Variants in CNTNAP2 observed in about 807,000 individuals in gnomAD.
CNTNAP2 encodes the protein contactin associated protein 2.
Under a neutral mutation model 155.2 loss-of-function variants are expected in CNTNAP2, and 98 were observed. That is an observed-to-expected ratio of 0.63 (90% CI 0.54 to 0.75). The LOEUF (loss-of-function observed/expected upper bound fraction) is 0.75. Among genes scored for constraint, CNTNAP2 ranks in the 30% least tolerant of loss-of-function variants. The probability of loss-of-function intolerance (pLI) is 0.00; values close to 1 mark genes in which losing one functional copy is unlikely to be tolerated. For synonymous variants in CNTNAP2, 651 were observed against 631.2 expected (o/e 1.03, Z -0.47); for missense variants, 1,727 against 1,688.1 (o/e 1.02, Z -0.40).
At chr7:147,674,514 C>T (rs572524047) in intron 13 of CNTNAP2, among the ~76,000 whole-genome samples, 40 of 152,092 alleles carry the variant, frequency 2.6e-4, no homozygotes, top group Non-Finnish European at 4.7e-4. Context: ...AAAAAATGAG[C>T]GTATAAAAAT....
intron 13 of CNTNAP2, among the ~76,000 whole-genome samples, chr7:147,774,916 A>G (rs1417465096): frequency 6.6e-6 from 1 of 152,102 alleles, no homozygotes; most frequent in Non-Finnish European, 1.5e-5. Context: ...TCTAAAGGTC[A>G]CAAAGTCAGT....
intron 3 of CNTNAP2, among the ~76,000 whole-genome samples, chr7:146,859,376 G>T (rs1210738995): frequency 6.6e-6 from 1 of 152,162 alleles, no homozygotes; most frequent in African/African-American, 2.4e-5. Flanking sequence ...TATAATCCTT[G>T]TTGGGTGCAG....
chr7:146,659,442 G>T (rs998170467), intron 1 of CNTNAP2, among the ~76,000 whole-genome samples: 1 of 152,170 alleles, frequency 6.6e-6, no homozygotes, highest in African/African-American at 2.4e-5. Context: ...CTCATAACTA[G>T]AGCTCATGGC....
In CNTNAP2 at chr7:147,471,003, A is replaced by G. The variant is rs545638256; in HGVS notation, c.1671-14932A>G. Among the ~76,000 whole-genome samples, 68 of 152,338 alleles carry G rather than the reference A, an allele frequency of 4.5e-4. 2 individuals carry two copies. The highest frequency in any genetic ancestry group is 3.3e-3 in the South Asian group (16 of 4,830). On this transcript the variant is annotated intron_variant, in intron 10 of 23. Coordinates refer to ENST00000361727, the MANE Select transcript of CNTNAP2 (RefSeq NM_014141.6). ...AGCAGCCAGTAAAGGAGAAATGTCAAGCAAGTGTAGAAATTTGCAAGCCAA... is the reference window on the plus strand; with the variant it reads ...AGCAGCCAGTAAAGGAGAAATGTCAGGCAAGTGTAGAAATTTGCAAGCCAA...
intron 8 of CNTNAP2, among the ~76,000 whole-genome samples, chr7:147,216,914 A>G (rs1195446845): frequency 6.6e-6 from 1 of 151,944 alleles, no homozygotes; most frequent in East Asian, 1.9e-4. Context: ...GATTTTTCAT[A>G]AGCATTTCAT....
chr7:146,275,751 C>A (rs560506680), intron 1 of CNTNAP2, among the ~76,000 whole-genome samples: 4 of 152,182 alleles, frequency 2.6e-5, no homozygotes, highest in Non-Finnish European at 4.4e-5. Context: ...CAATACTAGT[C>A]GATTTAATGT....
intron 4 of CNTNAP2, among the ~76,000 whole-genome samples, chr7:147,071,345 A>G (rs1199661432): frequency 6.6e-6 from 1 of 151,572 alleles, no homozygotes; most frequent in Admixed American, 6.6e-5. Context: ...AAAAAGATGT[A>G]TACATTCCTC....
intron 8 of CNTNAP2, among the ~76,000 whole-genome samples, chr7:147,283,852 T>G (rs747391557): frequency 4.6e-5 from 7 of 151,918 alleles, no homozygotes; most frequent in Non-Finnish European, 7.4e-5. Context: ...GTAAAAGATC[T>G]TAGTTCTTTC....
chr7:146,488,613 G>A (rs1307606089), intron 1 of CNTNAP2, among the ~76,000 whole-genome samples: 1 of 151,820 alleles, frequency 6.6e-6, no homozygotes, highest in African/African-American at 2.4e-5. Context: ...AGTTTTGTTT[G>A]TTTCTGTTTT....
chr7:146,914,112 G>GT (rs752699759), intron 3 of CNTNAP2, among the ~76,000 whole-genome samples: 4 of 151,538 alleles, frequency 2.6e-5, no homozygotes, highest in Admixed American at 6.6e-5. Flanking sequence ...TAAAAGTAAT[G>GT]TTTTTTTAAA....
intron 13 of CNTNAP2, among the ~76,000 whole-genome samples, chr7:147,738,687 C>T (rs1480452028): frequency 7.0e-6 from 1 of 142,286 alleles, no homozygotes; most frequent in African/African-American, 2.6e-5. Context: ...TGGAGTCTTG[C>T]TCTGTTGCCC....
intron 21 of CNTNAP2, among the ~76,000 whole-genome samples, chr7:148,277,586 A>ACCCC (rs147409823): frequency 1.9e-4 from 27 of 140,148 alleles, no homozygotes; most frequent in East Asian, 6.6e-4. Flanking sequence ...TTAGTACAGG[A>ACCCC]CCGCCCCCCA....
At chr7:148,039,330 C>T (rs1252230027) in intron 15 of CNTNAP2, among the ~76,000 whole-genome samples, 2 of 152,086 alleles carry the variant, frequency 1.3e-5, no homozygotes. Flanking sequence ...TTGTCTTCTG[C>T]CTTTTGTTAT....
chr7:147,711,597 C>T lies in CNTNAP2; in HGVS notation c.2098+72291C>T, dbSNP rs948924388. 2.6e-5 allele frequency among the ~76,000 whole-genome samples: 4 copies of T among 152,182 alleles called. No individual in the cohort carries two copies. The South Asian group carries it at 8.3e-4, about 31-fold the overall frequency. ...GCAATCCAGACAGCTGCAGTCCCCA[C>T]AGACCTAAAAGAAAACAGCTGCCAG... On this transcript the variant is annotated intron_variant, in intron 13 of 23. Transcript: ENST00000361727.
chr7:146,685,285 C>G (rs1388278533), intron 1 of CNTNAP2, among the ~76,000 whole-genome samples: 4 of 152,064 alleles, frequency 2.6e-5, no homozygotes, highest in African/African-American at 9.7e-5. Context: ...AAAGAACCAA[C>G]AATACATGCA....
chr7:146,488,588 C>G (rs112761570), intron 1 of CNTNAP2, among the ~76,000 whole-genome samples: 3,840 of 151,926 alleles, frequency 0.025, 56 homozygotes, highest in Middle Eastern at 0.048. Context: ...CCTAATGAAA[C>G]GCTCTTAAAA....
chr7:146,215,453 C>A (rs542784727), intron 1 of CNTNAP2, among the ~76,000 whole-genome samples: 54 of 152,094 alleles, frequency 3.6e-4, no homozygotes, highest in African/African-American at 1.3e-3. Flanking sequence ...AATTCGAAAC[C>A]ATCATAAGCT....
rs542706449 is a variant in CNTNAP2, at chr7:147,998,251, A to C, written c.2383+20262A>C. ...CTCAGCCTCTCGAGTAGCTGGGATT[A>C]CAGGCGCCCGCCACCACGTCTGGCT... On this transcript the variant is annotated intron_variant, in intron 15 of 23. Coordinates refer to ENST00000361727, the MANE Select transcript of CNTNAP2 (RefSeq NM_014141.6). Among the ~76,000 whole-genome samples, 9 of 151,450 alleles carry C rather than the reference A, an allele frequency of 5.9e-5. No homozygotes were observed. In the East Asian group the frequency reaches 1.4e-3, roughly 23 times the overall value.
intron 9 of CNTNAP2, among the ~76,000 whole-genome samples, chr7:147,317,714 T>C (rs1486676828): frequency 6.6e-6 from 1 of 152,088 alleles, no homozygotes; most frequent in Non-Finnish European, 1.5e-5. Context: ...GGGAGATTAT[T>C]TGTTTAATGT....
Sources: gnomAD v4.1 joint callset for allele counts (sites outside exome capture counted in the v4.1 genomes callset) on GRCh38, gnomAD v4.1.1 for gene constraint, MANE v1.5 for transcripts, NCBI Gene and HGNC (gene_info 2026-07-23, HGNC 2026-07-21) for gene names.